Variants in TBC1D31 observed in about 807,000 individuals in gnomAD.
TBC1D31 encodes TBC1 domain family member 31.
In TBC1D31, 99 loss-of-function variants were observed where a neutral mutation model predicts 132.9. The ratio of observed to expected loss-of-function variants is 0.74; its 90% CI spans 0.63 to 0.88. The LOEUF (loss-of-function observed/expected upper bound fraction) is 0.88. TBC1D31 is among the 40% of genes least tolerant of loss of function. The pLI is 0.00. For missense variants in TBC1D31, 1,134 were observed against 1,256.6 expected (o/e 0.90, Z 1.48); for synonymous variants, 385 against 419.4 (o/e 0.92, Z 1.00).
intron 11 of TBC1D31, among the ~76,000 whole-genome samples, chr8:123,124,856 G>A (rs1230491277): frequency 6.7e-6 from 1 of 148,552 alleles, no homozygotes; most frequent in African/African-American, 2.5e-5. Flanking sequence ...ATAATCACTT[G>A]AACCCGGGAG....
Position 123,144,738 on chromosome 8 carries a change from GA to G in TBC1D31, c.2858del (p.Glu953GlyfsTer4). 1 of 1,605,418 alleles carries G rather than the reference GA, an allele frequency of 6.2e-7. No individual in the cohort carries two copies. The highest frequency in any genetic ancestry group is 8.5e-7 in the Non-Finnish European group (1 of 1,177,990). On this transcript the variant is annotated frameshift_variant, in exon 20 of 22. Transcript: ENST00000287380. LOFTEE classifies it high-confidence loss of function. ...TTAGTGGAAGGAAGCTGAAGGAAAA[GA>G]GTTCCGTTTGAGATCAGCAAAGAAA... is the stretch of plus-strand genomic sequence containing the variant. ...AKKWKEAEGKEFRLRSAKKAS... is the reference protein window; with the variant it reads ...AKKWKEAEGKXFRLRSAKKAS...
At chr8:123,106,812 A>G (rs930782287) in intron 8 of TBC1D31, among the ~76,000 whole-genome samples, 2 of 152,366 alleles carry the variant, frequency 1.3e-5, no homozygotes, top group Non-Finnish European at 2.9e-5. Flanking sequence ...AGCCATATTC[A>G]TAGCTATAAT....
intron 4 of TBC1D31, among the ~76,000 whole-genome samples, chr8:123,089,279 C>CGAGTT (rs1816102611): frequency 6.6e-6 from 1 of 152,180 alleles, no homozygotes; most frequent in Non-Finnish European, 1.5e-5. Context: ...TAGCACCTCC[C>CGAGTT]TCAGGGTTGG....
chr8:123,125,252 T>C (rs1819922387), intron 11 of TBC1D31, among the ~76,000 whole-genome samples: 1 of 152,142 alleles, frequency 6.6e-6, no homozygotes, highest in Non-Finnish European at 1.5e-5. Flanking sequence ...AACAAACCGA[T>C]GGTCTTATAT....
intron 11 of TBC1D31, among the ~76,000 whole-genome samples, 177 bp downstream of exon 11, chr8:123,120,365 C>G (rs1819352702): frequency 6.6e-6 from 1 of 152,148 alleles, no homozygotes; most frequent in South Asian, 2.1e-4. Context: ...ATATGTAAAC[C>G]TTTTTATTTA....
chr8:123,091,795 A>G (rs1816350897), intron 4 of TBC1D31, among the ~76,000 whole-genome samples: 2 of 152,254 alleles, frequency 1.3e-5, no homozygotes, highest in South Asian at 4.1e-4. Flanking sequence ...CATTAACAAA[A>G]GGAAGCATTG....
At chr8:123,119,154 C>T (rs148115534) in intron 10 of TBC1D31, among the ~76,000 whole-genome samples, 16 of 152,246 alleles carry the variant, frequency 1.1e-4, no homozygotes, top group African/African-American at 3.9e-4. Flanking sequence ...TGATAATATG[C>T]GGCCAAGAGT....
chr8:123,080,562 G>T (rs1421394343), intron 2 of TBC1D31, among the ~76,000 whole-genome samples: 2 of 134,246 alleles, frequency 1.5e-5, no homozygotes, highest in Non-Finnish European at 3.1e-5. Context: ...TTTTGAGACG[G>T]AGTCTCACCC....
intron 14 of TBC1D31, 30 bp downstream of exon 14, chr8:123,128,543 A>G (rs760157023): frequency 7.0e-7 from 1 of 1,432,198 alleles, no homozygotes; most frequent in South Asian, 1.2e-5. Context: ...TCTTTTTCTG[A>G]TACAATGAAA....
At chr8:123,084,768 ATCTT>A (rs769553147) in intron 4 of TBC1D31, among the ~76,000 whole-genome samples, 45 of 140,646 alleles carry the variant, frequency 3.2e-4, no homozygotes, top group Non-Finnish European at 5.4e-4. Context: ...GGGTCTATCC[ATCTT>A]TCTTTTTTTT....
intron 16 of TBC1D31, among the ~76,000 whole-genome samples, chr8:123,133,480 G>A (rs1021460218): frequency 4.6e-5 from 7 of 152,016 alleles, no homozygotes; most frequent in Non-Finnish European, 5.9e-5. Context: ...TTAGGTATTC[G>A]ATAGCATGTC....
intron 18 of TBC1D31, among the ~76,000 whole-genome samples, chr8:123,141,636 A>T (rs1821684086): frequency 6.6e-6 from 1 of 152,070 alleles, no homozygotes; most frequent in Non-Finnish European, 1.5e-5. Flanking sequence ...TGTACCGTAG[A>T]TACCTTCTGT....
intron 2 of TBC1D31, among the ~76,000 whole-genome samples, chr8:123,079,731 G>C (rs4870843): frequency 0.7 from 106,261 of 152,000 alleles, 37,487 homozygotes; most frequent in African/African-American, 0.78. Flanking sequence ...GGACTCTACT[G>C]TTATTCTGAC....
intron 8 of TBC1D31, among the ~76,000 whole-genome samples, chr8:123,106,110 T>A (rs1817897175): frequency 6.6e-6 from 1 of 152,264 alleles, no homozygotes; most frequent in Admixed American, 6.5e-5. Context: ...TCACATTGAT[T>A]TTAATACAGT....
At chr8:123,139,177 A>G (rs571112519) in intron 17 of TBC1D31, among the ~76,000 whole-genome samples, 11 of 151,338 alleles carry the variant, frequency 7.3e-5, no homozygotes, top group Admixed American at 3.3e-4. Flanking sequence ...CATTTTAAAT[A>G]CAATGCTCCT....
chr8:123,104,314 C>G (rs1817719313), intron 7 of TBC1D31: 2 of 152,004 alleles, frequency 1.3e-5, no homozygotes, highest in Non-Finnish European at 2.9e-5. Flanking sequence ...CCAAGCGTAG[C>G]ATTGAAGCGC....
intron 6 of TBC1D31, among the ~76,000 whole-genome samples, chr8:123,099,151 G>T (rs1200247614): frequency 6.6e-6 from 1 of 152,014 alleles, no homozygotes; most frequent in Non-Finnish European, 1.5e-5. Context: ...ACGGAGTCTC[G>T]CTCTGTCACC....
At chr8:123,101,041 T>C in intron 7 of TBC1D31, 34 bp downstream of exon 7, 1 of 1,372,762 alleles carries the variant, frequency 7.3e-7, no homozygotes, top group South Asian at 1.2e-5. Flanking sequence ...ATCAGCTTTT[T>C]ATAAACACTT....
chr8:123,115,173 C>T (rs1487449913), intron 10 of TBC1D31, among the ~76,000 whole-genome samples: 1 of 152,162 alleles, frequency 6.6e-6, no homozygotes, highest in Admixed American at 6.5e-5. Flanking sequence ...CTGGGAAATG[C>T]CAGTGTTACT....
Sources: allele counts gnomAD v4.1 joint callset (sites outside exome capture counted in the v4.1 genomes callset), GRCh38; gene constraint gnomAD v4.1.1; transcripts MANE v1.5; gene names NCBI Gene and HGNC (gene_info 2026-07-23, HGNC 2026-07-21).